Variants in SLC39A11 observed in about 807,000 individuals in gnomAD.
SLC39A11 encodes the protein solute carrier family 39 member 11.
Under a neutral mutation model 36.1 loss-of-function variants are expected in SLC39A11, and 33 were observed. The observed-to-expected ratio is 0.91, with a 90% CI of 0.69 to 1.22. SLC39A11 has a LOEUF of 1.22. Among genes scored for constraint, SLC39A11 ranks in the 50% most tolerant of loss-of-function variants. The pLI, the probability that SLC39A11 is intolerant of heterozygous loss-of-function variation, is 0.00. For missense variants in SLC39A11, 432 were observed against 430.3 expected (o/e 1.00, Z -0.03); for synonymous variants, 166 against 170.3 (o/e 0.97, Z 0.20).
chr17:73,078,034 C>T (rs541155148), intron 3 of SLC39A11, among the ~76,000 whole-genome samples: 28 of 152,104 alleles, frequency 1.8e-4, no homozygotes, highest in South Asian at 6.2e-4. Context: ...GTCAGGAGAT[C>T]GAGACCATCC....
At chr17:72,948,997 G>C (rs971736163) in intron 4 of SLC39A11, among the ~76,000 whole-genome samples, 2 of 151,962 alleles carry the variant, frequency 1.3e-5, no homozygotes, top group African/African-American at 4.8e-5. Flanking sequence ...AACTACACAA[G>C]CACCTCCACT....
At chr17:72,650,524 C>A (rs1459665839) in intron 7 of SLC39A11, among the ~76,000 whole-genome samples, 4 of 152,098 alleles carry the variant, frequency 2.6e-5, no homozygotes, top group Admixed American at 2.6e-4. Context: ...GGGGCCAGTC[C>A]GAGTGCCTTA....
At chr17:72,986,172 T>C (rs1049761819) in intron 4 of SLC39A11, among the ~76,000 whole-genome samples, 2 of 152,150 alleles carry the variant, frequency 1.3e-5, no homozygotes, top group Admixed American at 6.5e-5. Flanking sequence ...AATTGTGATA[T>C]ATTGTTCCCA....
At chr17:72,890,302 C>A (rs2081663123) in intron 5 of SLC39A11, among the ~76,000 whole-genome samples, 1 of 151,002 alleles carries the variant, frequency 6.6e-6, no homozygotes, top group Non-Finnish European at 1.5e-5. Context: ...AAAAAAACCA[C>A]CAGAGGCAGA....
At chr17:72,759,731 T>C (rs560977676) in intron 6 of SLC39A11, among the ~76,000 whole-genome samples, 1 of 152,122 alleles carries the variant, frequency 6.6e-6, no homozygotes, top group African/African-American at 2.4e-5. Flanking sequence ...ATATACTTGA[T>C]ATAAACAAGA....
chr17:72,993,859 A>G (rs776225713), intron 4 of SLC39A11, among the ~76,000 whole-genome samples: 1 of 152,164 alleles, frequency 6.6e-6, no homozygotes, highest in African/African-American at 2.4e-5. Flanking sequence ...AGCACCCCCA[A>G]TATGGTTTGG....
At chr17:73,078,900 G>A (rs1054307734) in intron 3 of SLC39A11, among the ~76,000 whole-genome samples, 1 of 151,838 alleles carries the variant, frequency 6.6e-6, no homozygotes, top group African/African-American at 2.4e-5. Flanking sequence ...ACAAGCCTAT[G>A]TTTCTTTGTT....
chr17:72,778,046 A>G (rs1012677169), intron 6 of SLC39A11, among the ~76,000 whole-genome samples: 1 of 152,110 alleles, frequency 6.6e-6, no homozygotes, highest in African/African-American at 2.4e-5. Context: ...CTGGGATTAC[A>G]GGTGCCTGCC....
chr17:72,953,268 C>T (rs2085998767), intron 4 of SLC39A11, among the ~76,000 whole-genome samples: 1 of 151,972 alleles, frequency 6.6e-6, no homozygotes, highest in Admixed American at 6.6e-5. Flanking sequence ...CTTCCACCCA[C>T]TTTGGAAAGG....
intron 3 of SLC39A11, among the ~76,000 whole-genome samples, chr17:73,071,347 G>A (rs1359184685): frequency 6.6e-6 from 1 of 152,124 alleles, no homozygotes; most frequent in Non-Finnish European, 1.5e-5. Context: ...GGAGCAAAAG[G>A]GCCCAGATAA....
chr17:73,031,059 G>T (rs1402537108), intron 4 of SLC39A11, among the ~76,000 whole-genome samples: 1 of 152,168 alleles, frequency 6.6e-6, no homozygotes. Flanking sequence ...AGAGCTCAGG[G>T]ATATACAATC....
At chr17:72,763,485 A>G (rs1235231583) in intron 6 of SLC39A11, among the ~76,000 whole-genome samples, 1 of 152,238 alleles carries the variant, frequency 6.6e-6, no homozygotes, top group Non-Finnish European at 1.5e-5. Context: ...GTATTTGACA[A>G]CGGAACCCTT....
intron 6 of SLC39A11, among the ~76,000 whole-genome samples, chr17:72,779,073 A>G (rs961566184): frequency 6.6e-6 from 1 of 152,212 alleles, no homozygotes; most frequent in Non-Finnish European, 1.5e-5. Context: ...AATACGTTGG[A>G]TGAGGCTCCA....
At chr17:72,832,396 T>C (rs1237834063) in intron 6 of SLC39A11, among the ~76,000 whole-genome samples, 4 of 152,236 alleles carry the variant, frequency 2.6e-5, no homozygotes, top group Non-Finnish European at 5.9e-5. Flanking sequence ...CCTATTTTTT[T>C]CTATCCTCTC....
At chr17:72,961,923 C>A (rs576138958) in intron 4 of SLC39A11, among the ~76,000 whole-genome samples, 1 of 152,078 alleles carries the variant, frequency 6.6e-6, no homozygotes, top group African/African-American at 2.4e-5. Flanking sequence ...GCAAATGGTA[C>A]CTAACTTACT....
At chr17:72,727,247 C>T (rs892929044) in intron 7 of SLC39A11, among the ~76,000 whole-genome samples, 2 of 152,168 alleles carry the variant, frequency 1.3e-5, no homozygotes, top group Non-Finnish European at 2.9e-5. Context: ...TTTGAAGTGA[C>T]GATACAGCAG....
intron 7 of SLC39A11, among the ~76,000 whole-genome samples, chr17:72,671,707 G>A (rs1336025751): frequency 1.4e-5 from 2 of 145,422 alleles, no homozygotes; most frequent in Non-Finnish European, 3.1e-5. Context: ...GGCAGCAAGA[G>A]CAAAACTGTC....
At chr17:72,951,991 T>A (rs957542837) in intron 4 of SLC39A11, among the ~76,000 whole-genome samples, 4 of 152,230 alleles carry the variant, frequency 2.6e-5, no homozygotes, top group African/African-American at 9.6e-5. Flanking sequence ...AATCCCGCCC[T>A]AACTTCACTT....
rs750123452 is a variant in SLC39A11 at position 72,845,351 on chromosome 17, T to C, written c.601+4283A>G. ...GCTGCTCACCCTGCTGTGGCCACAG[T>C]GGACTCTTGGCTACTCCTTGTGGGG... On this transcript the variant is annotated intron_variant, in intron 6 of 9. Coordinates refer to ENST00000255559, the MANE Select transcript of SLC39A11 (RefSeq NM_139177.4). 2.0e-5 allele frequency among the ~76,000 whole-genome samples: 3 copies of C among 152,252 alleles called. No homozygotes were observed. The South Asian group carries it at 6.2e-4, about 31-fold the overall frequency.
Sources: gnomAD v4.1 joint callset for allele counts (sites outside exome capture counted in the v4.1 genomes callset) on GRCh38, gnomAD v4.1.1 for gene constraint, MANE v1.5 for transcripts, NCBI Gene and HGNC (gene_info 2026-07-23, HGNC 2026-07-21) for gene names.